The following METTL15 variants were observed in gnomAD, a reference collection of about 807,000 sequenced individuals.
The protein encoded by METTL15 is methyltransferase 15, mitochondrial 12S rRNA N4-cytidine, also known as 12S rRNA N(4)-cytidine methyltransferase METTL15.
A neutral mutation model predicts 38.3 loss-of-function variants in METTL15; 34 were observed. The observed-to-expected ratio is 0.89, with a 90% CI of 0.68 to 1.18. METTL15 has a LOEUF of 1.18. Among genes scored for constraint, METTL15 ranks in the 50% most tolerant of loss-of-function variants. The pLI is 0.00. For synonymous variants in METTL15, 162 were observed against 170.9 expected (o/e 0.95, Z 0.41); for missense variants, 438 against 498.4 (o/e 0.88, Z 1.15).
chr11:28,432,578 T>C (rs1463590981), intron 6 of METTL15, among the ~76,000 whole-genome samples: 3 of 152,232 alleles, frequency 2.0e-5, no homozygotes, highest in Non-Finnish European at 1.5e-5. Flanking sequence ...GTTTTAGTGT[T>C]AGACAAATCT....
chr11:28,179,835 T>C (rs1851219021), intron 3 of METTL15, among the ~76,000 whole-genome samples: 1 of 151,822 alleles, frequency 6.6e-6, no homozygotes, highest in African/African-American at 2.4e-5. Flanking sequence ...AGCAGTGTTA[T>C]GAAGTGGTTG....
Position 28,211,153 on chromosome 11 carries a change from A to G in METTL15, c.362A>G (p.Asp121Gly). The G allele has an allele frequency of 6.2e-7, 1 of 1,612,588 alleles. No homozygotes were observed. ...ATTGTTCTCTATGCCTTGGACAGAGACCCAACAGCTTATGCATTAGCTGAA... is the reference window on the plus strand; with the variant it reads ...ATTGTTCTCTATGCCTTGGACAGAGGCCCAACAGCTTATGCATTAGCTGAA... ...SDIVLYALDR[D>G]PTAYALAEHL... Residue 121 changes from aspartate (D) to glycine (G), a missense_variant, in exon 4 of 7, where the codon GAC (aspartate) becomes GGC (glycine). Physicochemically the swap from Asp to Gly is moderately conservative, Grantham distance 94 (BLOSUM62 -1). Transcript: ENST00000407364.
At chr11:28,150,147 A>G (rs927755955) in intron 3 of METTL15, among the ~76,000 whole-genome samples, 5 of 151,814 alleles carry the variant, frequency 3.3e-5, no homozygotes, top group African/African-American at 4.8e-5. Context: ...CAGCCCTCCA[A>G]TCTCCTACAG....
intron 5 of METTL15, among the ~76,000 whole-genome samples, chr11:28,423,990 C>T (rs1000718237): frequency 6.6e-6 from 1 of 151,976 alleles, no homozygotes; most frequent in Non-Finnish European, 1.5e-5. Flanking sequence ...CTATTATGTA[C>T]TCATAAAACT....
intron 5 of METTL15, among the ~76,000 whole-genome samples, chr11:28,395,484 C>G (rs1163532125): frequency 1.3e-5 from 2 of 152,076 alleles, no homozygotes; most frequent in Admixed American, 6.6e-5. Context: ...CACCTCTACA[C>G]AAATAAACTA....
chr11:28,201,220 C>G (rs1852100536), intron 3 of METTL15, among the ~76,000 whole-genome samples: 1 of 151,996 alleles, frequency 6.6e-6, no homozygotes, highest in Non-Finnish European at 1.5e-5. Context: ...TTGAACCAGC[C>G]TTACATCCCA....
intron 6 of METTL15, among the ~76,000 whole-genome samples, chr11:28,499,629 T>C (rs1279532839): frequency 2.6e-5 from 4 of 152,182 alleles, no homozygotes; most frequent in Non-Finnish European, 5.9e-5. Context: ...TTAACAAAAA[T>C]ATTTCTGAGA....
intron 4 of METTL15, among the ~76,000 whole-genome samples, chr11:28,236,464 G>T (rs1565190961): frequency 6.6e-6 from 1 of 152,118 alleles, no homozygotes; most frequent in Non-Finnish European, 1.5e-5. Context: ...GTAAGCTATT[G>T]TTTATTGCCA....
chr11:28,479,725 C>T (rs1309378819), intron 6 of METTL15, among the ~76,000 whole-genome samples: 3 of 152,036 alleles, frequency 2.0e-5, no homozygotes, highest in African/African-American at 7.2e-5. Context: ...AGAACATAAC[C>T]AGCGATGTGG....
At chr11:28,300,580 T>C (rs565133429) in intron 6 of METTL15, among the ~76,000 whole-genome samples, 1 of 152,284 alleles carries the variant, frequency 6.6e-6, no homozygotes, top group Admixed American at 6.5e-5. Context: ...CTTACAAGCA[T>C]TGTGAATTAC....
At chr11:28,452,158 C>T (rs1280485781) in intron 6 of METTL15, among the ~76,000 whole-genome samples, 1 of 152,154 alleles carries the variant, frequency 6.6e-6, no homozygotes, top group African/African-American at 2.4e-5. Context: ...AGAAAGCAAA[C>T]ATTTTGTGGA....
chr11:28,335,516 G>C (rs1035916666), downstream of METTL15, among the ~76,000 whole-genome samples: 4 of 152,178 alleles, frequency 2.6e-5, no homozygotes, highest in Non-Finnish European at 5.9e-5. Flanking sequence ...ATGCACTGCT[G>C]TATTTTGGAG....
chr11:28,258,157 A>G (rs947750573), intron 4 of METTL15, among the ~76,000 whole-genome samples: 1 of 152,190 alleles, frequency 6.6e-6, no homozygotes, highest in Non-Finnish European at 1.5e-5. Flanking sequence ...ATGGTCATGG[A>G]CAAGATTCAG....
chr11:28,111,961 C>T (rs1275813181), intron 2 of METTL15, among the ~76,000 whole-genome samples: 1 of 152,014 alleles, frequency 6.6e-6, no homozygotes, highest in African/African-American at 2.4e-5. Flanking sequence ...CACTCATTCC[C>T]CCCCCCACCG....
chr11:28,188,617 T>C (rs1482912417), intron 3 of METTL15, among the ~76,000 whole-genome samples: 6 of 151,252 alleles, frequency 4.0e-5, no homozygotes, highest in Admixed American at 2.6e-4. Context: ...AAAATTGATA[T>C]ATATCGTATC....
Position 28,356,487 on chromosome 11 carries a change from C to T in METTL15, c.*258+4329C>T, listed in dbSNP as rs1031189102. On this transcript the variant is annotated intron_variant and NMD_transcript_variant, in intron 4 of 7. Transcript: ENST00000532947. Reference sequence around the variant, plus strand: ...AAATATGGGAGAAAAATTGTTCAAGCATATTTATATGGAGGCACAAAGTGG... The same window carrying T: ...AAATATGGGAGAAAAATTGTTCAAGTATATTTATATGGAGGCACAAAGTGG... Among the ~76,000 whole-genome samples, 3 of 152,202 alleles carry T rather than the reference C, an allele frequency of 2.0e-5. No homozygotes were observed. In the South Asian group the frequency reaches 6.2e-4, roughly 32 times the overall value.
intron 3 of METTL15, among the ~76,000 whole-genome samples, chr11:28,140,171 G>A (rs752477391): frequency 6.6e-6 from 1 of 152,182 alleles, no homozygotes; most frequent in Non-Finnish European, 1.5e-5. Flanking sequence ...AAGAACAGAT[G>A]GAAATCGCAT....
intron 3 of METTL15, among the ~76,000 whole-genome samples, chr11:28,192,130 T>C (rs1268571132): frequency 6.6e-6 from 1 of 151,768 alleles, no homozygotes; most frequent in Non-Finnish European, 1.5e-5. Context: ...ATCATGTCTT[T>C]GGTATCTTGT....
At chr11:28,179,066 C>T (rs1317856868) in intron 3 of METTL15, among the ~76,000 whole-genome samples, 2 of 151,684 alleles carry the variant, frequency 1.3e-5, no homozygotes, top group South Asian at 2.1e-4. Flanking sequence ...CATTTCCCCT[C>T]TCTGATTTAA....
Sources: gnomAD v4.1 joint callset for allele counts (sites outside exome capture counted in the v4.1 genomes callset) on GRCh38, gnomAD v4.1.1 for gene constraint, MANE v1.5 for transcripts, NCBI Gene and HGNC (gene_info 2026-07-23, HGNC 2026-07-21) for gene names.